Variants in CACNA1C observed in about 807,000 individuals in gnomAD.
CACNA1C encodes calcium voltage-gated channel subunit alpha1 C.
Under a neutral mutation model 229.0 loss-of-function variants are expected in CACNA1C, and 30 were observed. The ratio of observed to expected loss-of-function variants is 0.13; its 90% confidence interval spans 0.10 to 0.18. The LOEUF is 0.18. Ranked by LOEUF, CACNA1C falls within the 10% of genes least tolerant of loss-of-function variation. The pLI is 1.00. For missense variants in CACNA1C, 1,658 were observed against 2,845.0 expected (o/e 0.58, Z 9.49); for synonymous variants, 1,114 against 1,132.5 (o/e 0.98, Z 0.33).
At chr12:2,193,283 T>C (rs925621559) in intron 3 of CACNA1C, among the ~76,000 whole-genome samples, 1 of 152,034 alleles carries the variant, frequency 6.6e-6, no homozygotes, top group East Asian at 1.9e-4. Context: ...GGCGAAACCC[T>C]GTCTCTACAA....
intron 7 of CACNA1C, among the ~76,000 whole-genome samples, chr12:2,499,306 T>C (rs1414426576): frequency 6.6e-6 from 1 of 152,180 alleles, no homozygotes; most frequent in Non-Finnish European, 1.5e-5. Flanking sequence ...GATTTACACC[T>C]CCTGCCTTTC....
chr12:2,035,659 A>G (rs1256587419), intron 1 of CACNA1C, among the ~76,000 whole-genome samples: 1 of 152,158 alleles, frequency 6.6e-6, no homozygotes, highest in Non-Finnish European at 1.5e-5. Context: ...TCCCCATAAT[A>G]TGTGCACCTG....
intron 3 of CACNA1C, among the ~76,000 whole-genome samples, chr12:2,359,514 G>A (rs949359644): frequency 2.0e-5 from 3 of 151,056 alleles, no homozygotes; most frequent in South Asian, 2.1e-4. Flanking sequence ...TGTCAAAATA[G>A]CCTTCGAATC....
At chr12:2,260,235 T>C (rs1219876881) in intron 3 of CACNA1C, among the ~76,000 whole-genome samples, 4 of 151,938 alleles carry the variant, frequency 2.6e-5, no homozygotes, top group Non-Finnish European at 4.4e-5. Context: ...CCCAGCACTT[T>C]AGGAGGCAGC....
chr12:2,445,526 G>T (rs1477344177), intron 3 of CACNA1C, among the ~76,000 whole-genome samples: 2 of 152,166 alleles, frequency 1.3e-5, no homozygotes, highest in African/African-American at 4.8e-5. Flanking sequence ...ATGGATCGCA[G>T]GATAGGCTTT....
chr12:2,005,060 G>A (rs1379856438), intron 1 of CACNA1C, among the ~76,000 whole-genome samples: 1 of 151,780 alleles, frequency 6.6e-6, no homozygotes, highest in Non-Finnish European at 1.5e-5. Flanking sequence ...TAAAAGCGCC[G>A]GTGGTTTAAC....
chr12:2,536,217 G>A (rs2099854802), intron 9 of CACNA1C, among the ~76,000 whole-genome samples: 1 of 152,238 alleles, frequency 6.6e-6, no homozygotes. Flanking sequence ...CGGGGCCCCA[G>A]AGAAGAGAGA....
rs216036 is a variant in CACNA1C, at chr12:2,648,205, A to C, written c.3913-270A>C. Among the ~76,000 whole-genome samples the C allele has an allele frequency of 0.28, 42,305 of 152,038 alleles. 6,844 individuals are homozygous for C. Among genetic ancestry groups the C allele is most frequent in the African/African-American group, 0.45 (18,596 of 41,408 alleles). ...AAAATCCCAAAGACCTCATCTGCTT[A>C]TCTAATAATATTATGAATGTGAGTT... On this transcript the variant is annotated intron_variant, in intron 30 of 46. Transcript: ENST00000399655.
chr12:2,395,338 C>T (rs1031246467), intron 3 of CACNA1C, among the ~76,000 whole-genome samples: 8 of 152,010 alleles, frequency 5.3e-5, no homozygotes, highest in African/African-American at 1.9e-4. Flanking sequence ...CCTGCCTCAG[C>T]CTCCCAAGTA....
At chr12:2,086,581 G>T (rs2067741419) in intron 1 of CACNA1C, among the ~76,000 whole-genome samples, 1 of 152,166 alleles carries the variant, frequency 6.6e-6, no homozygotes, top group Non-Finnish European at 1.5e-5. Flanking sequence ...TGCAATACGA[G>T]TTTAATTTTC....
At chr12:2,014,381 A>T (rs1318130942) in intron 1 of CACNA1C, among the ~76,000 whole-genome samples, 1 of 152,204 alleles carries the variant, frequency 6.6e-6, no homozygotes, top group African/African-American at 2.4e-5. Flanking sequence ...AGTAGGTAGC[A>T]AGTATTGCTT....
At chr12:2,140,680 T>C (rs1334729782) in intron 3 of CACNA1C, among the ~76,000 whole-genome samples, 2 of 151,424 alleles carry the variant, frequency 1.3e-5, no homozygotes, top group East Asian at 1.9e-4. Flanking sequence ...AAGTAGACCA[T>C]TTGACTTCAT....
chr12:2,061,410 G>A (rs192750219), intron 1 of CACNA1C, among the ~76,000 whole-genome samples: 1 of 152,350 alleles, frequency 6.6e-6, no homozygotes, highest in East Asian at 1.9e-4. Context: ...ACCAGAGTCT[G>A]AGGTGGTCTG....
At chr12:2,364,432 A>G (rs1176508450) in intron 3 of CACNA1C, among the ~76,000 whole-genome samples, 5 of 152,120 alleles carry the variant, frequency 3.3e-5, no homozygotes, top group Admixed American at 6.5e-5. Context: ...TGTTGTAGAA[A>G]CCTGTAAACC....
At chr12:2,404,854 T>C (rs1311109194) in intron 3 of CACNA1C, among the ~76,000 whole-genome samples, 1 of 152,150 alleles carries the variant, frequency 6.6e-6, no homozygotes, top group Non-Finnish European at 1.5e-5. Context: ...ACCGAGGGTA[T>C]CCAGGAAGAA....
At position 2,479,081 on chromosome 12, in the gene CACNA1C, T is replaced by C. The variant is rs115411679; in HGVS notation, c.758-7023T>C. On this transcript the variant is annotated intron_variant, in intron 5 of 46. Coordinates refer to ENST00000399655, the MANE Select transcript of CACNA1C (RefSeq NM_000719.7). This position sits in a 1 kb window ranked among gnomAD's most constrained non-coding sequence, Gnocchi z 4.3. ...GGGAGAAGCTGGTGTTTGATCTACATTTTCTTAGAATCTGCATCGCAAATC... is the reference window on the plus strand; with the variant it reads ...GGGAGAAGCTGGTGTTTGATCTACACTTTCTTAGAATCTGCATCGCAAATC... Among the ~76,000 whole-genome samples, 2 of 152,012 alleles carry C rather than the reference T, an allele frequency of 1.3e-5. No individual in the cohort carries two copies. Among genetic ancestry groups the C allele is most frequent in the African/African-American group, 4.8e-5 (2 of 41,380 alleles).
At chr12:2,538,662 C>G (rs1349055726) in intron 9 of CACNA1C, among the ~76,000 whole-genome samples, 2 of 152,164 alleles carry the variant, frequency 1.3e-5, no homozygotes, top group African/African-American at 2.4e-5. Flanking sequence ...GTTGTTTTTC[C>G]TGGACTCACA....
chr12:1,979,165 ATC>A (rs1338568615), intron 1 of CACNA1C, among the ~76,000 whole-genome samples: 1 of 152,142 alleles, frequency 6.6e-6, no homozygotes, highest in Non-Finnish European at 1.5e-5. Context: ...CGTGCCCGCC[ATC>A]GAGCCTGGCT....
Position 2,181,907 on chromosome 12 carries a change from G to C in CACNA1C, c.477+61477G>C, listed in dbSNP as rs1446647881. Among the ~76,000 whole-genome samples the C allele has an allele frequency of 1.3e-5, 2 of 152,026 alleles. No homozygotes were observed. The highest frequency in any genetic ancestry group is 2.9e-5 in the Non-Finnish European group (2 of 68,000). On this transcript the variant is annotated intron_variant, in intron 3 of 46. Coordinates refer to ENST00000399655, the MANE Select transcript of CACNA1C (RefSeq NM_000719.7). This position sits in a 1 kb window ranked among gnomAD's most constrained non-coding sequence, Gnocchi z 4.0. ...GTGTGTTAAGGGGGTCCTGCAGAGT[G>C]GGGGTAAACTGATTCTGGATTACTC...
Sources: gnomAD v4.1 joint callset for allele counts (sites outside exome capture counted in the v4.1 genomes callset) on GRCh38, gnomAD v4.1.1 for gene constraint, Gnocchi (gnomAD v3.1) non-coding constraint, MANE v1.5 for transcripts, NCBI Gene and HGNC (gene_info 2026-07-23, HGNC 2026-07-21) for gene names.